The following JARID2 variants were observed in gnomAD, a reference collection of about 807,000 sequenced individuals.
JARID2 encodes jumonji and AT-rich interaction domain containing 2.
Under a neutral mutation model 125.6 loss-of-function variants are expected in JARID2, and 21 were observed. That is an observed-to-expected ratio of 0.17 (90% CI 0.12 to 0.24). JARID2 has a LOEUF of 0.24. Ranked by LOEUF, JARID2 falls within the 10% of genes least tolerant of loss-of-function variation. JARID2 has a pLI of 1.00. For synonymous variants in JARID2, 736 were observed against 661.6 expected, an observed-to-expected ratio of 1.11 and a Z score of -1.73; for missense variants, 1,303 against 1,639.6, an observed-to-expected ratio of 0.79 and a Z score of 3.55.
intron 3 of JARID2, among the ~76,000 whole-genome samples, chr6:15,439,254 A>G (rs1426004776): frequency 1.3e-5 from 2 of 152,200 alleles, no homozygotes; most frequent in Non-Finnish European, 2.9e-5. Flanking sequence ...AAATCTTATC[A>G]TTGGCTGCTT....
intron 2 of JARID2, among the ~76,000 whole-genome samples, chr6:15,401,898 G>GTTTTTTTTTTTTT (rs34203284): frequency 7.9e-6 from 1 of 126,492 alleles, no homozygotes; most frequent in Non-Finnish European, 1.7e-5. Context: ...GTTGTCAGCA[G>GTTTTTTTTTTTTT]TTTTTTTTTT....
At chr6:15,269,746 G>T (rs1054567606) in intron 1 of JARID2, among the ~76,000 whole-genome samples, 1 of 152,030 alleles carries the variant, frequency 6.6e-6, no homozygotes, top group African/African-American at 2.4e-5. Context: ...CATTTGCAAA[G>T]AATATCCAGG....
chr6:15,492,458 G>T lies in JARID2; in HGVS notation c.907-3674G>T, dbSNP rs114439624. 2.5e-3 allele frequency among the ~76,000 whole-genome samples: 385 copies of T among 152,282 alleles called. 2 individuals are homozygous for T. The highest frequency in any genetic ancestry group is 6.8e-3 in the Middle Eastern group (2 of 294). ...TAATTGATACAGAGGTGGGTTGAGG[G>T]AGACCTTCGGTAACAAGGTAAGACA... On this transcript the variant is annotated intron_variant, in intron 6 of 17. Transcript: ENST00000341776.
chr6:15,337,409 G>A (rs1400587246), intron 1 of JARID2, among the ~76,000 whole-genome samples: 2 of 152,194 alleles, frequency 1.3e-5, no homozygotes, highest in East Asian at 3.9e-4. Context: ...GGCACCTCCT[G>A]TTATCCTTTC....
intron 5 of JARID2, among the ~76,000 whole-genome samples, chr6:15,472,575 C>T (rs551649317): frequency 6.6e-6 from 1 of 152,278 alleles, no homozygotes; most frequent in South Asian, 2.1e-4. Flanking sequence ...TCTTTGATTT[C>T]AACCCAGCAG....
intron 2 of JARID2, among the ~76,000 whole-genome samples, chr6:15,375,539 C>G (rs1168464053): frequency 7.9e-5 from 12 of 152,204 alleles, no homozygotes; most frequent in Admixed American, 6.5e-4. Context: ...AATTTAGACC[C>G]TCATAGCTGC....
chr6:15,514,628 A>T (rs1269594752), intron 16 of JARID2, among the ~76,000 whole-genome samples: 2 of 148,614 alleles, frequency 1.3e-5, no homozygotes, highest in Non-Finnish European at 2.9e-5. Context: ...GATGAGTCAG[A>T]TCGTCAGATC....
intron 5 of JARID2, among the ~76,000 whole-genome samples, chr6:15,478,105 C>T (rs2282823): frequency 0.88 from 134,483 of 152,252 alleles, 59,506 homozygotes; most frequent in African/African-American, 0.94. Flanking sequence ...GGGATATAGG[C>T]ACACACTTCG....
chr6:15,510,771 A>C (rs549180602), intron 12 of JARID2, among the ~76,000 whole-genome samples: 1 of 152,338 alleles, frequency 6.6e-6, no homozygotes, highest in South Asian at 2.1e-4. Context: ...GCACATGTGC[A>C]TGAGCCTGGC....
chr6:15,370,633 G>A (rs1001959743), intron 1 of JARID2, among the ~76,000 whole-genome samples: 13 of 151,950 alleles, frequency 8.6e-5, no homozygotes, highest in African/African-American at 3.1e-4. Flanking sequence ...GAGCCACCGC[G>A]CCCGGCCATA....
chr6:15,322,391 T>C (rs1762389464), intron 1 of JARID2, among the ~76,000 whole-genome samples: 2 of 152,230 alleles, frequency 1.3e-5, no homozygotes, highest in Admixed American at 1.3e-4. Flanking sequence ...GACCAATTAT[T>C]GATTTGCAAG....
At chr6:15,256,294 G>C (rs1759662581) in intron 1 of JARID2, among the ~76,000 whole-genome samples, 1 of 152,122 alleles carries the variant, frequency 6.6e-6, no homozygotes. Flanking sequence ...ACAGAACAAG[G>C]CTTTACGGAT....
intron 1 of JARID2, among the ~76,000 whole-genome samples, chr6:15,252,781 T>C (rs13190696): frequency 0.024 from 3,700 of 152,244 alleles, 55 homozygotes; most frequent in East Asian, 0.039. Flanking sequence ...TCCAGATAAC[T>C]GTACTCTTTA....
At chr6:15,421,411 T>TAA (rs561366543) in intron 3 of JARID2, among the ~76,000 whole-genome samples, 3 of 139,324 alleles carry the variant, frequency 2.2e-5, no homozygotes, top group East Asian at 2.1e-4. Flanking sequence ...TGTTAGTCTT[T>TAA]AAAAAAAAAA....
intron 1 of JARID2, among the ~76,000 whole-genome samples, chr6:15,319,725 G>A (rs1762291949): frequency 6.6e-6 from 1 of 152,192 alleles, no homozygotes; most frequent in Admixed American, 6.5e-5. Context: ...TGAGATCTGT[G>A]TTTGAGGGAG....
chr6:15,414,602 A>G (rs1581526713), intron 3 of JARID2, among the ~76,000 whole-genome samples: 1 of 152,202 alleles, frequency 6.6e-6, no homozygotes, highest in Non-Finnish European at 1.5e-5. Flanking sequence ...ACAAAAGGAA[A>G]GCCAGTCCCC....
chr6:15,445,176 G>C (rs1767620888), intron 3 of JARID2, among the ~76,000 whole-genome samples: 1 of 152,216 alleles, frequency 6.6e-6, no homozygotes, highest in African/African-American at 2.4e-5. Flanking sequence ...CTTGTGTGAA[G>C]CTTCTAATGG....
chr6:15,394,430 C>G (rs1765141099), intron 2 of JARID2, among the ~76,000 whole-genome samples: 2 of 152,128 alleles, frequency 1.3e-5, no homozygotes, highest in Admixed American at 1.3e-4. Flanking sequence ...GAAACACCAT[C>G]TTCACAAAAA....
chr6:15,345,290 T>A (rs1344695063), intron 1 of JARID2, among the ~76,000 whole-genome samples: 1 of 152,230 alleles, frequency 6.6e-6, no homozygotes, highest in Non-Finnish European at 1.5e-5. Flanking sequence ...CCTGAATCTC[T>A]TTTGGAAGTA....
Sources: gnomAD v4.1 joint callset for allele counts (sites outside exome capture counted in the v4.1 genomes callset) on GRCh38, gnomAD v4.1.1 for gene constraint, MANE v1.5 for transcripts, NCBI Gene and HGNC (gene_info 2026-07-23, HGNC 2026-07-21) for gene names.